The following RORB variants were observed in gnomAD, a reference collection of about 807,000 sequenced individuals.
The protein encoded by RORB is RAR related orphan receptor B.
A neutral mutation model predicts 59.1 loss-of-function variants in RORB; 6 were observed. The observed-to-expected ratio is 0.10, with a 90% CI of 0.06 to 0.20. The LOEUF is 0.20. Among genes scored for constraint, RORB ranks in the 10% least tolerant of loss-of-function variants. The pLI, the probability that RORB is intolerant of heterozygous loss-of-function variation, is 1.00. For missense variants in RORB, 320 were observed against 560.5 expected (o/e 0.57, Z 4.33); for synonymous variants, 215 against 204.5 (o/e 1.05, Z -0.44).
intron 1 of RORB, among the ~76,000 whole-genome samples, chr9:74,506,610 T>C (rs2118027337): frequency 6.6e-6 from 1 of 152,196 alleles, no homozygotes; most frequent in East Asian, 1.9e-4. Flanking sequence ...AAGATCAAAT[T>C]TCTCAGACCA....
At chr9:74,502,530 C>T (rs911008096) in intron 1 of RORB, among the ~76,000 whole-genome samples, 4 of 151,862 alleles carry the variant, frequency 2.6e-5, no homozygotes, top group African/African-American at 7.3e-5. Context: ...TAAATCACAG[C>T]GTATTACTAG....
At chr9:74,627,828 C>CT (rs1823545927) in intron 1 of RORB, among the ~76,000 whole-genome samples, 1 of 151,242 alleles carries the variant, frequency 6.6e-6, no homozygotes, top group Admixed American at 6.6e-5. Flanking sequence ...AAATGACTTG[C>CT]TGTGTCATTT....
At chr9:74,540,600 A>AT (rs921295193) in intron 1 of RORB, among the ~76,000 whole-genome samples, 3 of 152,050 alleles carry the variant, frequency 2.0e-5, no homozygotes, top group African/African-American at 7.2e-5. Context: ...GTGATTTGGC[A>AT]TTTTTTTACT....
At chr9:74,554,527 T>G (rs569674637) in intron 1 of RORB, among the ~76,000 whole-genome samples, 1 of 151,388 alleles carries the variant, frequency 6.6e-6, no homozygotes, top group African/African-American at 2.4e-5. Flanking sequence ...TAGAAGGGAG[T>G]GTAGAACAAC....
intron 1 of RORB, among the ~76,000 whole-genome samples, chr9:74,515,804 C>G (rs1043252029): frequency 6.6e-6 from 1 of 151,992 alleles, no homozygotes; most frequent in African/African-American, 2.4e-5. Context: ...TTAAAAAGAT[C>G]AATATCCCAG....
intron 1 of RORB, among the ~76,000 whole-genome samples, chr9:74,506,062 A>G (rs925678085): frequency 6.6e-6 from 1 of 151,688 alleles, no homozygotes; most frequent in African/African-American, 2.4e-5. Flanking sequence ...GAAAATTCTT[A>G]TTTATTTTTT....
At chr9:74,664,671 A>G (rs1398117159) in intron 6 of RORB, among the ~76,000 whole-genome samples, 3 of 152,212 alleles carry the variant, frequency 2.0e-5, no homozygotes, top group Non-Finnish European at 2.9e-5. Flanking sequence ...TATCAAAGAC[A>G]AGCAGAGAGA....
chr9:74,622,519 A>ATTTTTTTTTTTTT (rs33946613), intron 1 of RORB, among the ~76,000 whole-genome samples: 1 of 74,142 alleles, frequency 1.3e-5, no homozygotes, highest in African/African-American at 5.6e-5. Flanking sequence ...TACAACCCAG[A>ATTTTTTTTTTTTT]TTTTTTTTTT....
intron 3 of RORB, among the ~76,000 whole-genome samples, chr9:74,640,991 A>C (rs561745933): frequency 1.5e-4 from 23 of 152,278 alleles, no homozygotes; most frequent in African/African-American, 4.6e-4. Flanking sequence ...AAGAGCATCA[A>C]CCCTCATGAT....
intron 1 of RORB, among the ~76,000 whole-genome samples, chr9:74,512,272 C>T (rs2118043166): frequency 6.6e-6 from 1 of 152,284 alleles, no homozygotes; most frequent in South Asian, 2.1e-4. Flanking sequence ...AGAATATCAA[C>T]ACAGACATAC....
intron 1 of RORB, among the ~76,000 whole-genome samples, chr9:74,530,432 C>T (rs1826219987): frequency 6.6e-6 from 1 of 151,976 alleles, no homozygotes; most frequent in African/African-American, 2.4e-5. Context: ...TAGAACTGGC[C>T]ATATGGCCAC....
At chr9:74,588,277 G>T (rs1012005174) in intron 1 of RORB, among the ~76,000 whole-genome samples, 1 of 152,152 alleles carries the variant, frequency 6.6e-6, no homozygotes, top group Non-Finnish European at 1.5e-5. Flanking sequence ...TTTGGGCTAA[G>T]CCTCCTTCTG....
In RORB at chr9:74,596,272, C is replaced by T. The variant is rs557858380; in HGVS notation, c.8-34010C>T. On this transcript the variant is annotated intron_variant, in intron 1 of 9. Coordinates refer to ENST00000376896, the MANE Select transcript of RORB (RefSeq NM_006914.4). ...AGTCCAGGGCAAAGGTAGAGACATT[C>T]GTCAGCTCCAGAAAGCATTTTTTAG... 2.4e-4 allele frequency among the ~76,000 whole-genome samples: 37 copies of T among 152,136 alleles called. No individual in the cohort carries two copies. The South Asian group carries it at 4.8e-3, about 20-fold the overall frequency.
intron 9 of RORB, among the ~76,000 whole-genome samples, chr9:74,676,541 G>T (rs1824444471): frequency 6.6e-6 from 1 of 152,182 alleles, no homozygotes; most frequent in Non-Finnish European, 1.5e-5. Flanking sequence ...ACATGTTCAA[G>T]TGCTTGTGCC....
At chr9:74,507,265 A>T (rs1363259448) in intron 1 of RORB, among the ~76,000 whole-genome samples, 1 of 152,092 alleles carries the variant, frequency 6.6e-6, no homozygotes, top group Non-Finnish European at 1.5e-5. Flanking sequence ...TTTTATGTAA[A>T]TATGCATCAT....
intron 1 of RORB, among the ~76,000 whole-genome samples, chr9:74,520,742 T>C (rs1305742375): frequency 1.3e-5 from 2 of 152,044 alleles, no homozygotes; most frequent in Middle Eastern, 3.4e-3. Context: ...GCCTGGCTTT[T>C]TTTTTCTGCA....
intron 1 of RORB, among the ~76,000 whole-genome samples, chr9:74,556,526 A>C (rs9987652): frequency 1.3e-5 from 2 of 151,916 alleles, no homozygotes; most frequent in African/African-American, 4.8e-5. Context: ...ACAGCGACCA[A>C]GCAGATTGTT....
chr9:74,621,352 A>T (rs1169846087), intron 1 of RORB, among the ~76,000 whole-genome samples: 4 of 152,198 alleles, frequency 2.6e-5, no homozygotes, highest in African/African-American at 7.2e-5. Context: ...ATGTAGCTGG[A>T]ATCAAACTGT....
At chr9:74,509,075 T>C (rs959762602) in intron 1 of RORB, among the ~76,000 whole-genome samples, 3 of 152,066 alleles carry the variant, frequency 2.0e-5, no homozygotes, top group Non-Finnish European at 4.4e-5. Context: ...CTCACCAGTG[T>C]TTTGACCACA....
Sources: gnomAD v4.1 joint callset for allele counts (sites outside exome capture counted in the v4.1 genomes callset) on GRCh38, gnomAD v4.1.1 for gene constraint, MANE v1.5 for transcripts, NCBI Gene and HGNC (gene_info 2026-07-23, HGNC 2026-07-21) for gene names.